Variants in MAP2K1 observed in about 807,000 individuals in gnomAD.
MAP2K1 encodes the protein dual specificity mitogen-activated protein kinase kinase 1.
MAP2K1 carries 16 observed loss-of-function variants against 46.3 expected under a neutral mutation model. The ratio of observed to expected loss-of-function variants is 0.35; its 90% CI spans 0.23 to 0.52. MAP2K1 has a LOEUF of 0.52. Ranked by LOEUF, MAP2K1 falls within the 20% of genes least tolerant of loss-of-function variation. MAP2K1 has a pLI of 0.94. For missense variants in MAP2K1, 263 were observed against 497.1 expected, an observed-to-expected ratio of 0.53 and a Z score of 4.48; for synonymous variants, 183 against 185.6, an observed-to-expected ratio of 0.99 and a Z score of 0.11.
At chr15:66,391,163 A>T (rs1218696986) in intron 1 of MAP2K1, among the ~76,000 whole-genome samples, 3 of 150,588 alleles carry the variant, frequency 2.0e-5, no homozygotes, top group South Asian at 4.2e-4. Context: ...AGTAGCTGGG[A>T]CTATAGGTGG....
intron 1 of MAP2K1, among the ~76,000 whole-genome samples, chr15:66,398,809 TGTC>T (rs2093374444): frequency 1.3e-5 from 2 of 151,312 alleles, no homozygotes; most frequent in East Asian, 1.9e-4. Context: ...GTCTCACTCT[TGTC>T]GTCCAGGCTA....
At chr15:66,415,779 A>G (rs1321975977) in intron 1 of MAP2K1, among the ~76,000 whole-genome samples, 1 of 152,244 alleles carries the variant, frequency 6.6e-6, no homozygotes, top group Non-Finnish European at 1.5e-5. Context: ...TAAACAAAAC[A>G]TACTATATAT....
At chr15:66,402,696 A>G (rs919707) in intron 1 of MAP2K1, among the ~76,000 whole-genome samples, 11,824 of 151,996 alleles carry the variant, frequency 0.078, 1,525 homozygotes, top group African/African-American at 0.27. Context: ...CATCTCGACT[A>G]TGGTTTGTTT....
chr15:66,480,704 G>C (rs1892893111), intron 5 of MAP2K1, among the ~76,000 whole-genome samples: 1 of 152,056 alleles, frequency 6.6e-6, no homozygotes, highest in South Asian at 2.1e-4. Context: ...GTCCTATATG[G>C]TGTCTATATT....
intron 1 of MAP2K1, among the ~76,000 whole-genome samples, chr15:66,425,339 A>G (rs1469770987): frequency 1.3e-5 from 2 of 152,104 alleles, no homozygotes; most frequent in Non-Finnish European, 2.9e-5. Context: ...CAATACAGTT[A>G]TTCGTTTGCA....
At chr15:66,452,759 A>G (rs1175064562) in intron 5 of MAP2K1, among the ~76,000 whole-genome samples, 1 of 152,204 alleles carries the variant, frequency 6.6e-6, no homozygotes, top group Non-Finnish European at 1.5e-5. Flanking sequence ...TTGCTTATAG[A>G]AAGCTCTAAT....
intron 1 of MAP2K1, among the ~76,000 whole-genome samples, chr15:66,412,299 G>C (rs1297823485): frequency 6.6e-6 from 1 of 152,210 alleles, no homozygotes; most frequent in Non-Finnish European, 1.5e-5. Context: ...GACAGAATGG[G>C]CTGGACCTGG....
chr15:66,442,338 A>G (rs2093506557), intron 3 of MAP2K1, among the ~76,000 whole-genome samples: 1 of 152,114 alleles, frequency 6.6e-6, no homozygotes, highest in Non-Finnish European at 1.5e-5. Context: ...TGACCACATC[A>G]TCCCAGGAGT....
intron 1 of MAP2K1, among the ~76,000 whole-genome samples, chr15:66,405,506 C>T (rs551021812): frequency 2.6e-4 from 40 of 152,208 alleles, no homozygotes; most frequent in African/African-American, 9.1e-4. Flanking sequence ...AATTTTTTCC[C>T]CCTTTTATTC....
intron 5 of MAP2K1, among the ~76,000 whole-genome samples, chr15:66,470,058 C>T (rs897118330): frequency 1.4e-4 from 20 of 144,670 alleles, no homozygotes; most frequent in African/African-American, 3.8e-4. Context: ...TTTTGCTGGC[C>T]GTTTTTCTCC....
At chr15:66,483,240 A>G (rs900767628) in intron 6 of MAP2K1, among the ~76,000 whole-genome samples, 1 of 150,830 alleles carries the variant, frequency 6.6e-6, no homozygotes, top group Non-Finnish European at 1.5e-5. Flanking sequence ...GCTGGCACCT[A>G]CCCCCCACTG....
At chr15:66,423,210 T>A (rs1282434072) in intron 1 of MAP2K1, among the ~76,000 whole-genome samples, 1 of 152,204 alleles carries the variant, frequency 6.6e-6, no homozygotes. Flanking sequence ...TTTTAAAATT[T>A]CTAGCATTTT....
At chr15:66,407,673 A>C (rs2093401011) in intron 1 of MAP2K1, among the ~76,000 whole-genome samples, 1 of 152,188 alleles carries the variant, frequency 6.6e-6, no homozygotes, top group African/African-American at 2.4e-5. Flanking sequence ...CTTACCTTGA[A>C]TCCAGGGCTA....
intron 1 of MAP2K1, among the ~76,000 whole-genome samples, chr15:66,428,748 G>A (rs2093466685): frequency 8.1e-6 from 1 of 122,980 alleles, no homozygotes; most frequent in Non-Finnish European, 1.8e-5. Context: ...AAAGATTAGT[G>A]TTGCCCTTTT....
chr15:66,455,677 T>C (rs558189430), intron 5 of MAP2K1, among the ~76,000 whole-genome samples: 139 of 152,330 alleles, frequency 9.1e-4, no homozygotes, highest in Admixed American at 1.4e-3. Context: ...TTTTCCTACA[T>C]TTCTAATGTG....
At chr15:66,458,845 A>G (rs926263555) in intron 5 of MAP2K1, among the ~76,000 whole-genome samples, 2 of 152,150 alleles carry the variant, frequency 1.3e-5, no homozygotes, top group Admixed American at 6.6e-5. Context: ...TGAGGGGTAC[A>G]TAGCCCACTG....
intron 1 of MAP2K1, among the ~76,000 whole-genome samples, chr15:66,402,687 A>G (rs995450879): frequency 7.9e-5 from 12 of 151,850 alleles, no homozygotes; most frequent in Admixed American, 3.9e-4. Flanking sequence ...TGTATTTTCC[A>G]TCTCGACTAT....
intron 1 of MAP2K1, among the ~76,000 whole-genome samples, chr15:66,412,828 G>A (rs1280474477): frequency 1.3e-5 from 2 of 152,018 alleles, no homozygotes; most frequent in African/African-American, 4.8e-5. Flanking sequence ...GAGTAGCTGG[G>A]ACTACAGGCG....
At chr15:66,404,895 A>G (rs1367843943) in intron 1 of MAP2K1, among the ~76,000 whole-genome samples, 1 of 152,168 alleles carries the variant, frequency 6.6e-6, no homozygotes, top group African/African-American at 2.4e-5. Flanking sequence ...CTTTTTTGAT[A>G]GACAAGGATG....
Sources: allele counts gnomAD v4.1 joint callset (sites outside exome capture counted in the v4.1 genomes callset), GRCh38; gene constraint gnomAD v4.1.1; transcripts MANE v1.5; gene names NCBI Gene and HGNC (gene_info 2026-07-23, HGNC 2026-07-21).